The following SI variants were observed in gnomAD, a reference collection of about 807,000 sequenced individuals.
The protein encoded by SI is sucrase-isomaltase, intestinal.
A neutral mutation model predicts 253.3 loss-of-function variants in SI; 235 were observed. The observed-to-expected ratio is 0.93, with a 90% CI of 0.83 to 1.03. The LOEUF is 1.03. SI is among the 50% of genes least tolerant of loss of function. The probability of loss-of-function intolerance (pLI) is 0.00; values close to 1 mark genes in which losing one functional copy is unlikely to be tolerated. For missense variants in SI, 2,442 were observed against 2,211.1 expected (o/e 1.10, Z -2.09); for synonymous variants, 819 against 712.0 (o/e 1.15, Z -2.39).
chr3:164,982,542 G>T, intron 46 of SI, 132 bp from the exon 47 acceptor site: 1 of 697,772 alleles, frequency 1.4e-6, no homozygotes, highest in African/African-American at 1.8e-5. Context: ...TTGATATAAG[G>T]TATTTTACAT....
At chr3:165,061,728 A>T (rs1242046615) in intron 9 of SI, among the ~76,000 whole-genome samples, 1 of 152,050 alleles carries the variant, frequency 6.6e-6, no homozygotes, top group Non-Finnish European at 1.5e-5. Flanking sequence ...ATTACATGAA[A>T]GTTTTAGAAT....
At chr3:165,066,409 A>G (rs1446890020) in intron 6 of SI, among the ~76,000 whole-genome samples, 1 of 151,944 alleles carries the variant, frequency 6.6e-6, no homozygotes, top group Admixed American at 6.6e-5. Context: ...AAACTAATTA[A>G]CATATCCACC....
At chr3:164,993,363 A>G (rs972395321) in intron 41 of SI, among the ~76,000 whole-genome samples, 2 of 150,464 alleles carry the variant, frequency 1.3e-5, no homozygotes, top group Admixed American at 1.3e-4. Context: ...ATTTGAATCC[A>G]GAAAGAATCT....
At position 164,989,436 on chromosome 3, in the gene SI, G is replaced by A. The variant is rs1717623184; in HGVS notation, c.5108+1917C>T. 2.1e-5 allele frequency among the ~76,000 whole-genome samples: 3 copies of A among 140,652 alleles called. No homozygotes were observed. In the East Asian group the frequency reaches 6.5e-4, roughly 30 times the overall value. 92.3% of individuals were successfully genotyped at this position (140,652 alleles called of 152,430 possible). On this transcript the variant is annotated intron_variant, in intron 44 of 47. Coordinates refer to ENST00000264382, the MANE Select transcript of SI (RefSeq NM_001041.4). ...AGAAAGAAAGAAAGAAAGAAAGAAA[G>A]GAAAGAAAGAAGAGAGGAGAGGAGA...
chr3:165,004,876 G>A (rs905290490), intron 37 of SI, among the ~76,000 whole-genome samples: 3 of 152,200 alleles, frequency 2.0e-5, no homozygotes, highest in East Asian at 3.9e-4. Flanking sequence ...ATCTCATCAG[G>A]GATTGCAATC....
rs1257909097 is a variant in SI at position 165,015,066 on chromosome 3, A to G, written c.3999+57T>C. On this transcript the variant is annotated intron_variant, in intron 33 of 47. Transcript: ENST00000264382. ...TTTAACTTTTACTAATTAAATGGAAACTTTCATTGAAATATAATTTTTGTA... is the reference window on the plus strand; with the variant it reads ...TTTAACTTTTACTAATTAAATGGAAGCTTTCATTGAAATATAATTTTTGTA... 11 of 1,324,368 alleles carry G rather than the reference A, an allele frequency of 8.3e-6. No individual in the cohort carries two copies. The Admixed American group carries it at 1.7e-4, about 21-fold the overall frequency. 82.0% of individuals were successfully genotyped at this position (1,324,368 alleles called of 1,614,324 possible).
intron 25 of SI, among the ~76,000 whole-genome samples, chr3:165,028,108 C>T (rs147104693): frequency 6.5e-4 from 99 of 151,244 alleles, no homozygotes; most frequent in African/African-American, 2.0e-3. Context: ...ACAAAATTAA[C>T]GTACAGAAGT....
At chr3:165,015,902 T>G in intron 32 of SI, 50 bp downstream of exon 32, 1 of 1,526,814 alleles carries the variant, frequency 6.5e-7, no homozygotes, top group Non-Finnish European at 9.1e-7. Context: ...TCATTTTAGG[T>G]GAATTAATGG....
At chr3:165,065,788 C>G (rs1313475424) in intron 6 of SI, among the ~76,000 whole-genome samples, 1 of 151,490 alleles carries the variant, frequency 6.6e-6, no homozygotes, top group Non-Finnish European at 1.5e-5. Context: ...AGCCAAGTTT[C>G]AAACCCAATT....
Position 165,068,780 on chromosome 3 carries a change from T to TC in SI, c.424dup (p.Asp142GlyfsTer23). ...AGTTGTGAAGAGAACACTGTTGATG[T>TC]CATTTCCAAATAGTGTAGGTGAAGG... On this transcript the variant is annotated frameshift_variant, in exon 5 of 48. Transcript: ENST00000264382. LOFTEE classifies it high-confidence loss of function. The TC allele has an allele frequency of 6.2e-7, 1 of 1,613,938 alleles. No individual in the cohort carries two copies. Among genetic ancestry groups the TC allele is most frequent in the Non-Finnish European group, 8.5e-7 (1 of 1,179,862 alleles).
At chr3:165,048,748 A>G (rs1029075918) in intron 15 of SI, among the ~76,000 whole-genome samples, 1 of 151,466 alleles carries the variant, frequency 6.6e-6, no homozygotes, top group Admixed American at 6.6e-5. Flanking sequence ...CTCCGAAGTA[A>G]CTGGGATTAC....
At chr3:165,087,848 C>T in the SI span, among the ~76,000 whole-genome samples, 1 of 152,234 alleles carries the variant, frequency 6.6e-6, no homozygotes, top group South Asian at 2.1e-4. Context: ...AGTGATGGCA[C>T]ATTAGCTGAT....
At chr3:165,016,760 C>T (rs890079805) in intron 31 of SI, among the ~76,000 whole-genome samples, 4 of 151,894 alleles carry the variant, frequency 2.6e-5, no homozygotes, top group Admixed American at 2.0e-4. Context: ...ATCTCAATTT[C>T]TTCTTCTATG....
At chr3:165,027,501 A>G (rs1711991485) in intron 25 of SI, among the ~76,000 whole-genome samples, 1 of 151,396 alleles carries the variant, frequency 6.6e-6, no homozygotes, top group Admixed American at 6.6e-5. Flanking sequence ...GACATAACCA[A>G]AAAAGAAAAC....
intron 3 of SI, among the ~76,000 whole-genome samples, chr3:165,070,353 T>C (rs1344033138): frequency 1.4e-5 from 2 of 138,116 alleles, no homozygotes; most frequent in Non-Finnish European, 3.2e-5. Context: ...ACCATATATA[T>C]ATATATATAT....
chr3:165,081,018 T>C (rs1715302939), upstream of SI, among the ~76,000 whole-genome samples: 2 of 152,028 alleles, frequency 1.3e-5, no homozygotes, highest in African/African-American at 2.4e-5. Context: ...CTGGCCTTTG[T>C]TTTAAGCAAT....
At position 164,996,790 on chromosome 3, in the gene SI, A is replaced by G; in HGVS notation, c.4541-18T>C. On this transcript the variant is annotated intron_variant, in intron 38 of 47. Transcript: ENST00000264382. ...CATCATACCTGAAAAAGTTAGAAAA[A>G]ATATCTTAGAAAGTTATTATTTCAT... is the stretch of plus-strand genomic sequence containing the variant. The G allele has an allele frequency of 1.0e-6, 1 of 961,922 alleles. No individual in the cohort carries two copies. Among genetic ancestry groups the G allele is most frequent in the East Asian group, 2.7e-5 (1 of 37,446 alleles). 59.6% of individuals were successfully genotyped at this position (961,922 alleles called of 1,614,324 possible).
At position 164,979,276 on chromosome 3, in the gene SI, A is replaced by C. The variant is rs994767265; in HGVS notation, c.*86T>G. 3.7e-6 allele frequency: 3 copies of C among 821,366 alleles called. No homozygotes were observed. The African/African-American group carries it at 5.0e-5, about 14-fold the overall frequency. 50.9% of individuals were successfully genotyped at this position (821,366 alleles called of 1,614,324 possible). On this transcript the variant is annotated 3_prime_UTR_variant, in exon 48 of 48. Transcript: ENST00000264382. ...AAGCTATATTTTGTAGAGTACAAGA[A>C]CCAAGTGAAGAGGGAAAATTGTAAG... is the stretch of plus-strand genomic sequence containing the variant.
chr3:165,042,376 C>G (rs1356134849), intron 17 of SI, among the ~76,000 whole-genome samples: 1 of 152,006 alleles, frequency 6.6e-6, no homozygotes, highest in Non-Finnish European at 1.5e-5. Flanking sequence ...GAACACTGAA[C>G]GGTTTCTTAA....
Sources: gnomAD v4.1 joint callset for allele counts (sites outside exome capture counted in the v4.1 genomes callset) on GRCh38, gnomAD v4.1.1 for gene constraint, MANE v1.5 for transcripts, NCBI Gene and HGNC (gene_info 2026-07-23, HGNC 2026-07-21) for gene names.